The following RGS6 variants were observed in gnomAD, a reference collection of about 807,000 sequenced individuals.
The protein encoded by RGS6 is regulator of G protein signaling 6.
A neutral mutation model predicts 78.5 loss-of-function variants in RGS6; 30 were observed. The observed-to-expected ratio is 0.38, with a 90% CI of 0.29 to 0.52. RGS6 has a LOEUF of 0.52. Ranked by LOEUF, RGS6 falls within the 20% of genes least tolerant of loss-of-function variation. The probability of loss-of-function intolerance (pLI) is 0.85; values close to 1 mark genes in which losing one functional copy is unlikely to be tolerated. For synonymous variants in RGS6, 206 were observed against 206.0 expected, an observed-to-expected ratio of 1.00 and a Z score of 0.00; for missense variants, 495 against 609.7, an observed-to-expected ratio of 0.81 and a Z score of 1.98.
At position 72,472,008 on chromosome 14, in the gene RGS6, CT is replaced by C. The variant is rs1308194353; in HGVS notation, c.537-863del. The stretch of plus-strand genomic sequence containing the variant: ...TGATTACATTATAATTGTGGGCCAC[CT>C]AAGTACACAGTAATTATCACAAAAA... On this transcript the variant is annotated intron_variant, in intron 8 of 17. Coordinates refer to ENST00000553525, the MANE Select transcript of RGS6 (RefSeq NM_001204424.2). Among the ~76,000 whole-genome samples the C allele has an allele frequency of 2.0e-5, 3 of 151,974 alleles. No homozygotes were observed. The East Asian group carries it at 5.8e-4, about 29-fold the overall frequency.
intron 2 of RGS6, among the ~76,000 whole-genome samples, chr14:72,278,840 T>G (rs185758942): frequency 6.6e-6 from 1 of 152,216 alleles, no homozygotes; most frequent in East Asian, 1.9e-4. Flanking sequence ...TCTCTCATAC[T>G]TCCAGAGGCT....
chr14:72,616,711 C>T, the RGS6 span, among the ~76,000 whole-genome samples: 1 of 152,174 alleles, frequency 6.6e-6, no homozygotes, highest in Non-Finnish European at 1.5e-5. Context: ...TACTCCATGG[C>T]AGAGGCAACA....
chr14:72,480,900 A>G lies in RGS6; in HGVS notation c.854+2571A>G, dbSNP rs566630813. On this transcript the variant is annotated intron_variant, in intron 12 of 17. Coordinates refer to ENST00000553525, the MANE Select transcript of RGS6 (RefSeq NM_001204424.2). ...TTTTCACCCAGTTCTGTGAGAACTAATAGTGAGGAGAGGCAGGAGGGCTGG... is the reference window on the plus strand; with the variant it reads ...TTTTCACCCAGTTCTGTGAGAACTAGTAGTGAGGAGAGGCAGGAGGGCTGG... 2.0e-5 allele frequency among the ~76,000 whole-genome samples: 3 copies of G among 152,316 alleles called. No individual in the cohort carries two copies. In the East Asian group the frequency reaches 5.8e-4, roughly 29 times the overall value.
chr14:71,929,443 A>T (rs1458677365), upstream of RGS6, among the ~76,000 whole-genome samples: 1 of 152,226 alleles, frequency 6.6e-6, no homozygotes, highest in African/African-American at 2.4e-5. Flanking sequence ...CATTCTCAGC[A>T]TATCATATCA....
Position 72,175,415 on chromosome 14 carries a change from G to A in RGS6, c.85-176680G>A, listed in dbSNP as rs533384784. ...TTTTCTTTCCCCTGAAGACAAAGTA[G>A]CATGGTTGTGACCTATCTATACTGA... On this transcript the variant is annotated intron_variant, in intron 2 of 17. Coordinates refer to ENST00000553525, the MANE Select transcript of RGS6 (RefSeq NM_001204424.2). 7.9e-5 allele frequency among the ~76,000 whole-genome samples: 12 copies of A among 152,324 alleles called. No homozygotes were observed. In the South Asian group the frequency reaches 2.3e-3, roughly 29 times the overall value.
intron 3 of RGS6, among the ~76,000 whole-genome samples, chr14:72,408,301 G>A (rs912296164): frequency 1.3e-5 from 2 of 152,050 alleles, no homozygotes; most frequent in Admixed American, 1.3e-4. Flanking sequence ...TTTTCCAATT[G>A]TGTGTTTTTT....
intron 3 of RGS6, among the ~76,000 whole-genome samples, chr14:72,395,848 C>T (rs1187361267): frequency 1.3e-5 from 2 of 152,100 alleles, no homozygotes; most frequent in African/African-American, 2.4e-5. Flanking sequence ...CATGTCCCTA[C>T]AAAGGACATG....
the RGS6 span, among the ~76,000 whole-genome samples, chr14:71,911,750 T>A: frequency 6.6e-6 from 1 of 152,244 alleles, no homozygotes; most frequent in Admixed American, 6.5e-5. Context: ...TATAAAGGAA[T>A]GCAGCCTGCT....
the RGS6 span, among the ~76,000 whole-genome samples, chr14:72,610,339 G>A: frequency 2.0e-5 from 3 of 152,168 alleles, no homozygotes; most frequent in African/African-American, 7.2e-5. Flanking sequence ...CCAGGGACCT[G>A]GTCATCCTTC....
intron 3 of RGS6, among the ~76,000 whole-genome samples, chr14:72,398,466 T>C (rs1429510303): frequency 3.9e-5 from 6 of 152,118 alleles, no homozygotes; most frequent in East Asian, 1.9e-4. Flanking sequence ...GTCTTGCTAG[T>C]GGTCTATCAA....
chr14:71,934,040 A>G (rs961478456), intron 1 of RGS6, among the ~76,000 whole-genome samples: 1 of 152,184 alleles, frequency 6.6e-6, no homozygotes, highest in Non-Finnish European at 1.5e-5. Context: ...AATTACATAG[A>G]GTGGGAACTG....
intron 13 of RGS6, among the ~76,000 whole-genome samples, chr14:72,500,945 T>C (rs957488895): frequency 2.6e-5 from 4 of 152,226 alleles, no homozygotes; most frequent in Middle Eastern, 3.4e-3. Context: ...AGGTGCGATA[T>C]GTACCCATTT....
At chr14:72,234,955 G>T (rs1211510575) in intron 2 of RGS6, among the ~76,000 whole-genome samples, 3 of 152,146 alleles carry the variant, frequency 2.0e-5, no homozygotes, top group African/African-American at 4.8e-5. Context: ...TTGTCAGCCT[G>T]ATTTCCCACC....
chr14:72,061,598 G>T (rs915960753), intron 2 of RGS6, among the ~76,000 whole-genome samples: 1 of 151,554 alleles, frequency 6.6e-6, no homozygotes, highest in Admixed American at 6.6e-5. Context: ...GACACTTTCA[G>T]ATCACAATTG....
intron 1 of RGS6, among the ~76,000 whole-genome samples, chr14:71,943,125 A>G (rs1414477402): frequency 1.3e-5 from 2 of 152,190 alleles, no homozygotes; most frequent in Non-Finnish European, 2.9e-5. Flanking sequence ...GAAATACCCC[A>G]GGCACCTGTG....
intron 2 of RGS6, among the ~76,000 whole-genome samples, chr14:72,200,974 A>C (rs78990775): frequency 5.3e-5 from 3 of 56,586 alleles, no homozygotes; most frequent in Non-Finnish European, 1.6e-4. Flanking sequence ...AAAAAAAAAA[A>C]AAAAAAAAAA....
chr14:72,585,810 C>T, the RGS6 span, among the ~76,000 whole-genome samples: 2 of 152,202 alleles, frequency 1.3e-5, no homozygotes, highest in East Asian at 3.8e-4. Context: ...TGCTGAGGGG[C>T]TACCTTCTAT....
intron 2 of RGS6, among the ~76,000 whole-genome samples, chr14:71,980,773 G>T (rs1458350267): frequency 2.4e-5 from 2 of 83,868 alleles, no homozygotes; most frequent in East Asian, 7.3e-4. Flanking sequence ...TATCTTTGTG[G>T]CGTTCTCTGT....
chr14:72,078,300 TC>T (rs2094668513), intron 2 of RGS6, among the ~76,000 whole-genome samples: 1 of 152,140 alleles, frequency 6.6e-6, no homozygotes, highest in Non-Finnish European at 1.5e-5. Flanking sequence ...CTGAGGCCTC[TC>T]CAGAAGCAGA....
Sources: gnomAD v4.1 joint callset for allele counts (sites outside exome capture counted in the v4.1 genomes callset) on GRCh38, gnomAD v4.1.1 for gene constraint, MANE v1.5 for transcripts, NCBI Gene and HGNC (gene_info 2026-07-23, HGNC 2026-07-21) for gene names.